CDH13: variants seen among roughly 807,000 people sequenced by gnomAD.
The protein encoded by CDH13 is cadherin-13.
CDH13 carries 24 observed loss-of-function variants against 63.8 expected under a neutral mutation model. That is an observed-to-expected ratio of 0.38 (90% confidence interval 0.27 to 0.53). CDH13 has a LOEUF of 0.53. Ranked by LOEUF, CDH13 falls within the 20% of genes least tolerant of loss-of-function variation. The pLI, the probability that CDH13 is intolerant of heterozygous loss-of-function variation, is 0.85. For missense variants in CDH13, 1,049 were observed against 903.1 expected, an observed-to-expected ratio of 1.16 and a Z score of -2.07; for synonymous variants, 503 against 355.3, an observed-to-expected ratio of 1.42 and a Z score of -4.67.
chr16:83,725,483 A>C (rs1283296874), intron 10 of CDH13: 1 of 152,482 alleles, frequency 6.6e-6, no homozygotes, highest in Non-Finnish European at 1.5e-5. Context: ...ACCTTATCAC[A>C]TGTGGGCACA....
At chr16:82,747,379 A>G (rs1221928813) in intron 1 of CDH13, among the ~76,000 whole-genome samples, 1 of 152,214 alleles carries the variant, frequency 6.6e-6, no homozygotes, top group Non-Finnish European at 1.5e-5. Flanking sequence ...GTGTTTATTC[A>G]GGTAGCTTTC....
At chr16:83,570,742 T>G (rs1022679423) in intron 7 of CDH13, among the ~76,000 whole-genome samples, 2 of 144,324 alleles carry the variant, frequency 1.4e-5, no homozygotes, top group African/African-American at 5.0e-5. Context: ...TTTCTATATA[T>G]TTTATAAAAA....
chr16:83,516,631 T>C (rs2074704326), intron 7 of CDH13, among the ~76,000 whole-genome samples: 1 of 152,234 alleles, frequency 6.6e-6, no homozygotes, highest in African/African-American at 2.4e-5. Flanking sequence ...GTCTGAATTG[T>C]TCTCCCTCTT....
At chr16:82,874,054 G>T (rs1028583837) in intron 2 of CDH13, among the ~76,000 whole-genome samples, 1 of 66,770 alleles carries the variant, frequency 1.5e-5, no homozygotes, top group Non-Finnish European at 2.8e-5. Context: ...ATAATAAGAT[G>T]CACACATTGT....
At chr16:82,720,480 G>A (rs1319733309) in intron 1 of CDH13, among the ~76,000 whole-genome samples, 1 of 152,112 alleles carries the variant, frequency 6.6e-6, no homozygotes, top group Non-Finnish European at 1.5e-5. Flanking sequence ...ACCCTGGACA[G>A]GACATCATTC....
intron 6 of CDH13, among the ~76,000 whole-genome samples, chr16:83,369,409 G>GA: frequency 6.6e-6 from 1 of 152,000 alleles, no homozygotes; most frequent in South Asian, 2.1e-4. Flanking sequence ...TGACCAGAGA[G>GA]ACCCTTCTAG....
At chr16:82,805,652 T>C (rs1055151940) in intron 1 of CDH13, among the ~76,000 whole-genome samples, 1 of 152,122 alleles carries the variant, frequency 6.6e-6, no homozygotes, top group African/African-American at 2.4e-5. Context: ...TTTGTAAAAA[T>C]CTACTTTGGA....
chr16:82,639,825 C>G (rs1412680790), intron 1 of CDH13, among the ~76,000 whole-genome samples: 2 of 152,238 alleles, frequency 1.3e-5, no homozygotes, highest in Admixed American at 6.5e-5. Context: ...AGAGCATGGC[C>G]TTTGCCCTCC....
At chr16:83,414,472 C>T (rs1338266195) in intron 6 of CDH13, among the ~76,000 whole-genome samples, 2 of 152,040 alleles carry the variant, frequency 1.3e-5, no homozygotes, top group Non-Finnish European at 2.9e-5. Flanking sequence ...TTTAAGTGTA[C>T]AGTAGTATTG....
Position 83,670,861 on chromosome 16 carries a change from C to T in CDH13, c.1173C>T (p.Pro391=), listed in dbSNP as rs760800080. The T allele has an allele frequency of 1.9e-6, 3 of 1,613,876 alleles. No individual in the cohort carries two copies. Among genetic ancestry groups the T allele is most frequent in the Middle Eastern group, 1.6e-4 (1 of 6,062 alleles). The change falls in exon 9 of 14, where the codon CCC becomes CCT. Residue 391 remains proline (P), a synonymous_variant. Transcript: ENST00000567109. Reference sequence around the variant, plus strand: ...TGACAGTTGAAGATAAGGATGACCCCACCACAGGTGCATGGAGGGCTGCCT... The same window carrying T: ...TGACAGTTGAAGATAAGGATGACCCTACCACAGGTGCATGGAGGGCTGCCT... ...VNLTVEDKDD[P]TTGAWRAAYT... is the part of the protein sequence containing the mutation.
chr16:83,414,363 A>G lies in CDH13; in HGVS notation c.781+69357A>G, dbSNP rs150944328. 9.5e-3 allele frequency among the ~76,000 whole-genome samples: 1,448 copies of G among 152,264 alleles called. 27 individuals carry two copies. The highest frequency in any genetic ancestry group is 0.033 in the African/African-American group (1,372 of 41,552). On this transcript the variant is annotated intron_variant, in intron 6 of 13. Transcript: ENST00000567109. ...TTCACAGGGTGATGCAACCACCACC[A>G]CAGTCTGATTTTATATTTTTAGAGG...
chr16:83,509,730 A>C (rs2074511925), intron 7 of CDH13, among the ~76,000 whole-genome samples: 1 of 152,238 alleles, frequency 6.6e-6, no homozygotes. Flanking sequence ...GTAGTAAAAA[A>C]TACTAATAAT....
intron 2 of CDH13, among the ~76,000 whole-genome samples, chr16:82,973,995 C>G (rs966548654): frequency 4.6e-5 from 7 of 152,162 alleles, no homozygotes; most frequent in Non-Finnish European, 1.0e-4. Context: ...TGATAGCTCA[C>G]TGCAACCTCT....
intron 3 of CDH13, among the ~76,000 whole-genome samples, chr16:83,082,727 T>G (rs1441351964): frequency 6.6e-6 from 1 of 152,128 alleles, no homozygotes; most frequent in African/African-American, 2.4e-5. Flanking sequence ...GAAATTTCAT[T>G]TATAAGGTTA....
At chr16:83,299,752 A>T (rs1032868797) in intron 5 of CDH13, among the ~76,000 whole-genome samples, 2 of 152,330 alleles carry the variant, frequency 1.3e-5, no homozygotes, top group Non-Finnish European at 2.9e-5. Context: ...AGTAATGAAA[A>T]TTCATGGAGT....
At chr16:83,528,523 C>T (rs529672095) in intron 7 of CDH13, among the ~76,000 whole-genome samples, 1 of 152,092 alleles carries the variant, frequency 6.6e-6, no homozygotes, top group East Asian at 1.9e-4. Context: ...GTGGGGTCGT[C>T]TAAGAGCCCT....
chr16:83,166,429 G>A (rs1408055746), intron 4 of CDH13, among the ~76,000 whole-genome samples: 1 of 152,030 alleles, frequency 6.6e-6, no homozygotes, highest in Non-Finnish European at 1.5e-5. Flanking sequence ...CATCTCCAAA[G>A]CCATCCAAGG....
At chr16:83,670,646 G>T in intron 8 of CDH13, 144 bp from the exon 9 acceptor site, 1 of 770,254 alleles carries the variant, frequency 1.3e-6, no homozygotes. Flanking sequence ...GAGAAGAAGA[G>T]CATAGTATCT....
rs972644929 is a variant in CDH13 at position 83,453,284 on chromosome 16, G to A, written c.782-33193G>A. ...GTTCAGTGTACACTGCTCAGGTGATGGATGCACCAAAATCTCACAAATTAC... is the reference window on the plus strand; with the variant it reads ...GTTCAGTGTACACTGCTCAGGTGATAGATGCACCAAAATCTCACAAATTAC... On this transcript the variant is annotated intron_variant, in intron 6 of 13. Transcript: ENST00000567109. 4.6e-5 allele frequency among the ~76,000 whole-genome samples: 7 copies of A among 152,136 alleles called. No homozygotes were observed. In the South Asian group the frequency reaches 1.2e-3, roughly 27 times the overall value.
Sources: gnomAD v4.1 joint callset for allele counts (sites outside exome capture counted in the v4.1 genomes callset) on GRCh38, gnomAD v4.1.1 for gene constraint, MANE v1.5 for transcripts, NCBI Gene and HGNC (gene_info 2026-07-23, HGNC 2026-07-21) for gene names.